The following NEK6 variants were observed in gnomAD, a reference collection of about 807,000 sequenced individuals.
NEK6 encodes NIMA related kinase 6, also known as serine/threonine-protein kinase Nek6.
A neutral mutation model predicts 43.5 loss-of-function variants in NEK6; 27 were observed. That is an observed-to-expected ratio of 0.62 (90% CI 0.46 to 0.86). The LOEUF is 0.86. NEK6 is among the 40% of genes least tolerant of loss of function. NEK6 has a pLI of 0.00. For synonymous variants in NEK6, 167 were observed against 164.1 expected (o/e 1.02, Z -0.14); for missense variants, 318 against 414.4 (o/e 0.77, Z 2.02).
At chr9:124,331,710 C>T (rs1490748724) in intron 7 of NEK6, among the ~76,000 whole-genome samples, 3 of 152,186 alleles carry the variant, frequency 2.0e-5, no homozygotes, top group Admixed American at 6.5e-5. Flanking sequence ...GGGATCACAC[C>T]ATGCTGTGCT....
chr9:124,344,271 TAA>T (rs889064710), intron 8 of NEK6, among the ~76,000 whole-genome samples: 1 of 152,162 alleles, frequency 6.6e-6, no homozygotes, highest in Non-Finnish European at 1.5e-5. Context: ...ATTTGCCCTA[TAA>T]AGTGTCATTT....
chr9:124,261,414 A>C (rs750030472), intron 1 of NEK6: 8 of 985,458 alleles, frequency 8.1e-6, no homozygotes, highest in Non-Finnish European at 9.6e-6. Flanking sequence ...TGGAGAGTGG[A>C]GGGACCTGGT....
intron 1 of NEK6, among the ~76,000 whole-genome samples, chr9:124,301,160 C>T (rs528960320): frequency 2.0e-5 from 3 of 152,290 alleles, no homozygotes; most frequent in Admixed American, 1.3e-4. Context: ...AACCTCAGAC[C>T]CTGCCCCAGA....
rs758162578 is a variant in NEK6 at position 124,350,989 on chromosome 9, CCTTA to C, written c.*46_*49del. 278 of 1,450,896 alleles carry C rather than the reference CCTTA, an allele frequency of 1.9e-4. No individual in the cohort carries two copies. In the African/African-American group the frequency reaches 3.2e-3, roughly 17 times the overall value. The allele number at this position is 1,450,896 out of a possible 1,614,324, so 89.9% of individuals were successfully genotyped here. On this transcript the variant is annotated 3_prime_UTR_variant, in exon 10 of 10. Transcript: ENST00000320246. ...CCTTATCAAAGCCAGCACCACTTTG[CCTTA>C]CTTGAGTCGTCTTCTCTTCGAGTGG...
intron 1 of NEK6, among the ~76,000 whole-genome samples, chr9:124,293,658 A>G (rs2119070824): frequency 6.6e-6 from 1 of 152,316 alleles, no homozygotes; most frequent in African/African-American, 2.4e-5. Flanking sequence ...CTGAGCCCTC[A>G]GCAGAGGTTT....
chr9:124,270,058 G>A (rs963332566), intron 1 of NEK6, among the ~76,000 whole-genome samples: 11 of 151,192 alleles, frequency 7.3e-5, no homozygotes, highest in Non-Finnish European at 1.5e-4. Context: ...TGCAGTAGCC[G>A]TTCCTTCCAC....
chr9:124,277,564 C>G (rs987001479), intron 1 of NEK6, among the ~76,000 whole-genome samples: 15 of 152,342 alleles, frequency 9.8e-5, no homozygotes, highest in African/African-American at 3.4e-4. Flanking sequence ...CCTCTCTCGG[C>G]TTTCCTGTGA....
rs568830486 is a variant in NEK6, at chr9:124,310,835, C to T, written c.91-1674C>T. On this transcript the variant is annotated intron_variant, in intron 2 of 9. Transcript: ENST00000320246. ...CTCCTGACCTTAAGTGATCGCCCGC[C>T]TCGGCCTCCCACAGTGCTGGGATTA... 2.6e-5 allele frequency among the ~76,000 whole-genome samples: 4 copies of T among 152,390 alleles called. No homozygotes were observed. The East Asian group carries it at 5.8e-4, about 22-fold the overall frequency.
chr9:124,351,239 T>G lies in NEK6; in HGVS notation c.*292T>G. 1 of 323,490 alleles carries G rather than the reference T, an allele frequency of 3.1e-6. No homozygotes were observed. The highest frequency in any genetic ancestry group is 5.9e-6 in the Non-Finnish European group (1 of 170,380). The allele number at this position is 323,490 out of a possible 1,614,324, so 20.0% of individuals were successfully genotyped here. On this transcript the variant is annotated 3_prime_UTR_variant, in exon 10 of 10. Transcript: ENST00000320246. Reference sequence around the variant, plus strand: ...TTCAGCGAGCCACGGCAGCCCCCTGTATCTGGATTGTAATGTGAATCTTTA... The same window carrying G: ...TTCAGCGAGCCACGGCAGCCCCCTGGATCTGGATTGTAATGTGAATCTTTA...
chr9:124,329,544 G>A (rs551266054), intron 7 of NEK6, among the ~76,000 whole-genome samples: 15 of 152,338 alleles, frequency 9.8e-5, no homozygotes, highest in Admixed American at 2.6e-4. Context: ...CCCTCCGAGC[G>A]CCGACCAGGC....
In NEK6 at chr9:124,343,392, G is replaced by A. The variant is rs191299613; in HGVS notation, c.717+3727G>A. ...GAATGAAACACAGCAGTCAAGCCCT[G>A]AGGGGATTAGCGTCCTCAGGGACAT... On this transcript the variant is annotated intron_variant, in intron 8 of 9. Coordinates refer to ENST00000320246, the MANE Select transcript of NEK6 (RefSeq NM_014397.6). The surrounding 1 kb of genome is among the most constrained non-coding windows in gnomAD (Gnocchi z 5.1). Among the ~76,000 whole-genome samples, 7 of 152,212 alleles carry A rather than the reference G, an allele frequency of 4.6e-5. No individual in the cohort carries two copies. The East Asian group carries it at 1.4e-3, about 30-fold the overall frequency.
intron 1 of NEK6, among the ~76,000 whole-genome samples, chr9:124,271,228 C>A (rs1055571303): frequency 6.6e-6 from 1 of 152,264 alleles, no homozygotes; most frequent in Non-Finnish European, 1.5e-5. Flanking sequence ...CTCTGACTTC[C>A]GCTCCTTGAG....
At chr9:124,273,017 G>A (rs1374784707) in intron 1 of NEK6, among the ~76,000 whole-genome samples, 1 of 152,194 alleles carries the variant, frequency 6.6e-6, no homozygotes, top group African/African-American at 2.4e-5. Flanking sequence ...GCTGTGCTGG[G>A]TGCTGCAGGA....
rs1833584832 is a variant in NEK6 at position 124,312,493 on chromosome 9, C to T, written c.91-16C>T. 3 of 1,610,270 alleles carry T rather than the reference C, an allele frequency of 1.9e-6. No individual in the cohort carries two copies. The highest frequency in any genetic ancestry group is 2.5e-6 in the Non-Finnish European group (3 of 1,178,330). The stretch of plus-strand genomic sequence containing the variant: ...CAGCCTGGCTGCTCACGGAGGCCCT[C>T]TGTCCCCCGTTCCAGAGGCATCCCA... On this transcript the variant is annotated splice_polypyrimidine_tract_variant and intron_variant, in intron 2 of 9. Coordinates refer to ENST00000320246, the MANE Select transcript of NEK6 (RefSeq NM_014397.6).
chr9:124,314,958 C>T (rs868855135), intron 4 of NEK6, among the ~76,000 whole-genome samples: 20 of 152,356 alleles, frequency 1.3e-4, no homozygotes, highest in Middle Eastern at 6.8e-3. Context: ...CCGCACCCGG[C>T]CCCCCATGAA....
intron 2 of NEK6, among the ~76,000 whole-genome samples, chr9:124,309,805 C>T (rs1429245842): frequency 1.3e-5 from 2 of 152,322 alleles, no homozygotes; most frequent in South Asian, 2.1e-4. Context: ...CTAGAGGTGA[C>T]GGCGTCTGAG....
At chr9:124,309,131 G>A (rs1444832696) in intron 2 of NEK6, among the ~76,000 whole-genome samples, 2 of 152,174 alleles carry the variant, frequency 1.3e-5, no homozygotes, top group South Asian at 2.1e-4. Context: ...TGGGGACAGC[G>A]TCCTGTGGCA....
At chr9:124,276,186 A>AGAC (rs1302576656) in intron 1 of NEK6, among the ~76,000 whole-genome samples, 1 of 152,108 alleles carries the variant, frequency 6.6e-6, no homozygotes, top group Non-Finnish European at 1.5e-5. Flanking sequence ...CTGAGCTCCT[A>AGAC]CCTGGAGACC....
At chr9:124,288,405 C>T (rs2119029697) in intron 1 of NEK6, among the ~76,000 whole-genome samples, 1 of 152,236 alleles carries the variant, frequency 6.6e-6, no homozygotes, top group East Asian at 1.9e-4. Context: ...TGCTCAGCCT[C>T]CTGAGCAGCT....
Sources: allele counts gnomAD v4.1 joint callset (sites outside exome capture counted in the v4.1 genomes callset), GRCh38; gene constraint gnomAD v4.1.1; non-coding constraint Gnocchi (gnomAD v3.1); transcripts MANE v1.5; gene names NCBI Gene and HGNC (gene_info 2026-07-23, HGNC 2026-07-21).